UGT1A8: variants seen among roughly 807,000 people sequenced by gnomAD.
UGT1A8 encodes UDP-glucuronosyltransferase 1A8.
A neutral mutation model predicts 45.3 loss-of-function variants in UGT1A8; 39 were observed. The ratio of observed to expected loss-of-function variants is 0.86; its 90% CI spans 0.67 to 1.12. UGT1A8 has a LOEUF of 1.12. Among genes scored for constraint, UGT1A8 ranks in the 50% most tolerant of loss-of-function variants. The probability of loss-of-function intolerance (pLI) is 0.00; values close to 1 mark genes in which losing one functional copy is unlikely to be tolerated. For synonymous variants in UGT1A8, 275 were observed against 249.2 expected (o/e 1.10, Z -0.97); for missense variants, 719 against 664.9 (o/e 1.08, Z -0.90).
intron 1 of UGT1A8, chr2:233,692,749 C>T: frequency 9.0e-7 from 1 of 1,106,820 alleles, no homozygotes; most frequent in Middle Eastern, 3.4e-4. Context: ...GAGAAGCAGA[C>T]TTGTGGAGCT....
At chr2:233,672,072 G>A (rs2074209512) in intron 1 of UGT1A8, 1 of 1,614,146 alleles carries the variant, frequency 6.2e-7, no homozygotes, top group Non-Finnish European at 8.5e-7. Context: ...CGGTGGTGGA[G>A]AAACTCATTC....
intron 1 of UGT1A8, among the ~76,000 whole-genome samples, chr2:233,656,804 T>C (rs2073863373): frequency 6.6e-6 from 1 of 152,206 alleles, no homozygotes; most frequent in African/African-American, 2.4e-5. Context: ...ATTCACTTGT[T>C]GTGGGAGACG....
At chr2:233,693,105 A>G (rs1433762628) in intron 1 of UGT1A8, 6 of 1,614,188 alleles carry the variant, frequency 3.7e-6, no homozygotes, top group Non-Finnish European at 4.2e-6. Context: ...GTGGTCCCTC[A>G]GGACGGAAGC....
chr2:233,750,415 A>C (rs2885296), intron 1 of UGT1A8, among the ~76,000 whole-genome samples: 45,966 of 151,754 alleles, frequency 0.3, 7,352 homozygotes, highest in South Asian at 0.39. Context: ...CATGTGGTAG[A>C]AAAGAAAAAC....
intron 1 of UGT1A8, among the ~76,000 whole-genome samples, chr2:233,662,370 A>C (rs1459306036): frequency 6.6e-6 from 1 of 152,188 alleles, no homozygotes; most frequent in Non-Finnish European, 1.5e-5. Context: ...GCAAATCTCC[A>C]TAACATTTTC....
chr2:233,722,557 T>C (rs910752040), intron 1 of UGT1A8, among the ~76,000 whole-genome samples: 1 of 152,244 alleles, frequency 6.6e-6, no homozygotes, highest in Non-Finnish European at 1.5e-5. Flanking sequence ...TTTTGGTTGA[T>C]TTGTAGCTGC....
At chr2:233,682,519 C>G (rs1333962269) in intron 1 of UGT1A8, 1 of 1,613,928 alleles carries the variant, frequency 6.2e-7, no homozygotes. Context: ...CCAGACTTCT[C>G]TTAGGGTTCT....
At chr2:233,619,272 A>G (rs2072956600) in intron 1 of UGT1A8, among the ~76,000 whole-genome samples, 1 of 152,144 alleles carries the variant, frequency 6.6e-6, no homozygotes, top group African/African-American at 2.4e-5. Flanking sequence ...CAGATTTGAC[A>G]AGTTCTTTTC....
At chr2:233,671,339 G>C (rs901002531) in intron 1 of UGT1A8, among the ~76,000 whole-genome samples, 1 of 152,170 alleles carries the variant, frequency 6.6e-6, no homozygotes. Context: ...ATGGAAGCAG[G>C]GTTGTCAGTC....
In UGT1A8 at chr2:233,674,785, A is replaced by C. The variant is rs138825797; in HGVS notation, c.855+56223A>C. Among the ~76,000 whole-genome samples the C allele has an allele frequency of 2.0e-3, 312 of 152,296 alleles. 2 individuals are homozygous for C. Among genetic ancestry groups the C allele is most frequent in the African/African-American group, 7.2e-3 (300 of 41,576 alleles). ...TACGTGTAAAGCCAGCGGAGTTCTC[A>C]CAGAGGAATTCAGAACTCAAAGAAG... is the stretch of plus-strand genomic sequence containing the variant. On this transcript the variant is annotated intron_variant, in intron 1 of 4. Transcript: ENST00000373450.
At chr2:233,744,192 A>C (rs1389532681) in intron 1 of UGT1A8, among the ~76,000 whole-genome samples, 1 of 151,842 alleles carries the variant, frequency 6.6e-6, no homozygotes, top group East Asian at 1.9e-4. Flanking sequence ...CATGGTCTCC[A>C]AAAAGGATGG....
chr2:233,623,622 A>T (rs2073049253), intron 1 of UGT1A8, among the ~76,000 whole-genome samples: 1 of 152,182 alleles, frequency 6.6e-6, no homozygotes, highest in Admixed American at 6.5e-5. Flanking sequence ...ATGACAGTAA[A>T]AATTTTTTAA....
chr2:233,632,130 AG>A (rs1450600908), intron 1 of UGT1A8, among the ~76,000 whole-genome samples: 3 of 152,158 alleles, frequency 2.0e-5, no homozygotes, highest in African/African-American at 7.2e-5. Flanking sequence ...GGTTTGTCAA[AG>A]GTCAGATGGT....
chr2:233,723,199 A>G (rs111421853), intron 1 of UGT1A8, among the ~76,000 whole-genome samples: 3,458 of 129,646 alleles, frequency 0.027, 116 homozygotes, highest in African/African-American at 0.11. Context: ...TGTGGTAAAA[A>G]AAGTCAAAAC....
chr2:233,644,942 A>T (rs1328627282), intron 1 of UGT1A8, among the ~76,000 whole-genome samples: 4 of 152,104 alleles, frequency 2.6e-5, no homozygotes, highest in Admixed American at 6.5e-5. Context: ...AATCCTTTAC[A>T]TAGAAAACTG....
In UGT1A8 at chr2:233,634,816, T is replaced by A. The variant is rs1054834205; in HGVS notation, c.855+16254T>A. Among the ~76,000 whole-genome samples the A allele has an allele frequency of 3.2e-4, 48 of 150,916 alleles. 1 individual carries two copies. The highest frequency in any genetic ancestry group is 5.9e-4 in the Non-Finnish European group (40 of 67,942). On this transcript the variant is annotated intron_variant, in intron 1 of 4. Coordinates refer to ENST00000373450, the MANE Select transcript of UGT1A8 (RefSeq NM_019076.5). The stretch of plus-strand genomic sequence containing the variant: ...GCCCATTTACATTTAAGATTAATAT[T>A]GTTATGTGTGAACTTGATCCTGTCA...
chr2:233,719,335 T>C lies in UGT1A8; in HGVS notation c.856-47699T>C, dbSNP rs759894236. 4 of 1,613,958 alleles carry C rather than the reference T, an allele frequency of 2.5e-6. No individual in the cohort carries two copies. In the Admixed American group the frequency reaches 6.7e-5, roughly 27 times the overall value. On this transcript the variant is annotated intron_variant, in intron 1 of 4. Transcript: ENST00000373450. ...TACCTGTCGATTCCTGCTGTGTTTT[T>C]TTGGAGGTACATTCCATGTGACTTA...
chr2:233,664,128 C>T (rs1311857291), intron 1 of UGT1A8, among the ~76,000 whole-genome samples: 1 of 152,138 alleles, frequency 6.6e-6, no homozygotes, highest in South Asian at 2.1e-4. Context: ...CAAGGGTGAC[C>T]TTTGCTCAAG....
At chr2:233,764,456 G>A (rs184552145) in intron 1 of UGT1A8, among the ~76,000 whole-genome samples, 34 of 152,210 alleles carry the variant, frequency 2.2e-4, no homozygotes, top group African/African-American at 7.9e-4. Context: ...TTAAACTTTC[G>A]TGATCTCCTG....
Sources: allele counts gnomAD v4.1 joint callset (sites outside exome capture counted in the v4.1 genomes callset), GRCh38; gene constraint gnomAD v4.1.1; transcripts MANE v1.5; gene names NCBI Gene and HGNC (gene_info 2026-07-23, HGNC 2026-07-21).